The following ARHGEF10 variants were observed in gnomAD, a reference collection of about 807,000 sequenced individuals.
ARHGEF10 encodes the protein Rho guanine nucleotide exchange factor 10, also known as Rho guanine nucleotide exchange factor (GEF) 10.
A neutral mutation model predicts 147.4 loss-of-function variants in ARHGEF10; 140 were observed. That is an observed-to-expected ratio of 0.95 (90% CI 0.83 to 1.09). The LOEUF is 1.09. Among genes scored for constraint, ARHGEF10 ranks in the 50% least tolerant of loss-of-function variants. ARHGEF10 has a pLI of 0.00. For missense variants in ARHGEF10, 2,222 were observed against 1,752.7 expected, an observed-to-expected ratio of 1.27 and a Z score of -4.78; for synonymous variants, 902 against 695.8, an observed-to-expected ratio of 1.30 and a Z score of -4.67.
intron 28 of ARHGEF10, among the ~76,000 whole-genome samples, chr8:1,955,932 T>G (rs1429524365): frequency 6.6e-6 from 1 of 152,240 alleles, no homozygotes. Flanking sequence ...GACTTCACTT[T>G]GCCACTCTCC....
chr8:1,890,569 C>G (rs1236930787), intron 11 of ARHGEF10, among the ~76,000 whole-genome samples: 1 of 142,412 alleles, frequency 7.0e-6, no homozygotes, highest in African/African-American at 2.7e-5. Context: ...TGAGGAGTCA[C>G]TGAGTGTGTA....
In ARHGEF10 at chr8:1,893,092, C is replaced by CAAAAA. The variant is rs34033686; in HGVS notation, c.1183-461_1183-457dup. On this transcript the variant is annotated intron_variant, in intron 11 of 28. Coordinates refer to ENST00000349830, the MANE Select transcript of ARHGEF10 (RefSeq NM_014629.4). ...TCTTTGGATGGTTGAAAGATCTTTGCAAAAAAAAAAAAAAAAAAAAGATTC... is the reference window on the plus strand; with the variant it reads ...TCTTTGGATGGTTGAAAGATCTTTGCAAAAAAAAAAAAAAAAAAAAAAAAAGATTC... Among the ~76,000 whole-genome samples, 45 of 76,738 alleles carry CAAAAA rather than the reference C, an allele frequency of 5.9e-4. 1 individual carries two copies. Among genetic ancestry groups the CAAAAA allele is most frequent in the African/African-American group, 1.1e-3 (25 of 22,974 alleles). The allele number at this position is 76,738 out of a possible 152,430, so 50.3% of individuals were successfully genotyped here.
At chr8:1,935,992 C>T (rs75783858) in intron 26 of ARHGEF10, among the ~76,000 whole-genome samples, 11,186 of 152,174 alleles carry the variant, frequency 0.074, 590 homozygotes, top group African/African-American at 0.14. Flanking sequence ...GACGTGCCAG[C>T]GTGTGTGTGT....
At chr8:1,954,097 T>TC (rs1358234535) in intron 28 of ARHGEF10, among the ~76,000 whole-genome samples, 1 of 152,182 alleles carries the variant, frequency 6.6e-6, no homozygotes, top group African/African-American at 2.4e-5. Flanking sequence ...GCTCCAATTT[T>TC]TTTTTTTTCT....
At chr8:1,925,249 A>C in intron 21 of ARHGEF10, 34 bp from the exon 22 acceptor site, 1 of 1,613,992 alleles carries the variant, frequency 6.2e-7, no homozygotes. Context: ...AGTTAACTGC[A>C]TTCTTGCTCA....
chr8:1,902,605 C>A (rs1418989581), intron 15 of ARHGEF10, among the ~76,000 whole-genome samples: 1 of 152,084 alleles, frequency 6.6e-6, no homozygotes, highest in Non-Finnish European at 1.5e-5. Flanking sequence ...TGCATAGCCC[C>A]CTCCCCCCAC....
At chr8:1,854,267 C>T (rs1448226952) in intron 2 of ARHGEF10, among the ~76,000 whole-genome samples, 1 of 152,066 alleles carries the variant, frequency 6.6e-6, no homozygotes, top group Non-Finnish European at 1.5e-5. Context: ...ATGGAGGCCC[C>T]CTTGGAGGTG....
In ARHGEF10 at chr8:1,922,826, T is replaced by C. The variant is rs17830000; in HGVS notation, c.2144-138T>C. On this transcript the variant is annotated intron_variant, in intron 18 of 28. Transcript: ENST00000349830. ...GGAAAAACCACTAAATGCTTGAAAA[T>C]GTCCACTTTTTAAAAGTTCTAGATT... The C allele has an allele frequency of 0.14, 92,720 of 640,156 alleles. 8,678 individuals carry two copies. The highest frequency in any genetic ancestry group is 0.32 in the East Asian group (11,845 of 36,468). 39.7% of individuals were successfully genotyped at this position (640,156 alleles called of 1,614,324 possible).
intron 1 of ARHGEF10, among the ~76,000 whole-genome samples, chr8:1,825,826 A>C (rs1802738346): frequency 6.6e-6 from 1 of 152,232 alleles, no homozygotes; most frequent in African/African-American, 2.4e-5. Flanking sequence ...CCATAACCTG[A>C]GTACGGACTG....
rs1809821015 is a variant in ARHGEF10 at position 1,894,588 on chromosome 8, C to G, written c.1440+16C>G. The G allele has an allele frequency of 6.2e-7, 1 of 1,613,418 alleles. No homozygotes were observed. The highest frequency in any genetic ancestry group is 1.1e-5 in the South Asian group (1 of 91,060). Reference sequence around the variant, plus strand: ...CGTGGCTTCGGTAATTAAGCTGGGACACCTGGATGTCCATGGGGCTCTCCA... The same window carrying G: ...CGTGGCTTCGGTAATTAAGCTGGGAGACCTGGATGTCCATGGGGCTCTCCA... On this transcript the variant is annotated intron_variant, in intron 13 of 28. Transcript: ENST00000349830.
rs374906068 is a variant in ARHGEF10, at chr8:1,923,061, C to T, written c.2241C>T (p.Asn747=). ...GCCAAATCACTCAGCTGATAGGAAACCTTAAAGGAAACTATCAGGTAACAA... is the reference window on the plus strand; with the variant it reads ...GCCAAATCACTCAGCTGATAGGAAATCTTAAAGGAAACTATCAGGTAACAA... ...VIGQITQLIG[N]LKGNYQNLNQ... is the part of the protein sequence containing the mutation. Residue 747 remains asparagine, a synonymous_variant, in exon 19 of 29, where the codon AAC becomes AAT. Coordinates refer to ENST00000349830, the MANE Select transcript of ARHGEF10 (RefSeq NM_014629.4). The T allele has an allele frequency of 3.8e-5, 61 of 1,610,140 alleles. No homozygotes were observed. In the South Asian group the frequency reaches 6.7e-4, roughly 18 times the overall value.
At chr8:1,946,800 C>T (rs770104683) in intron 27 of ARHGEF10, among the ~76,000 whole-genome samples, 3 of 152,030 alleles carry the variant, frequency 2.0e-5, no homozygotes, top group Non-Finnish European at 2.9e-5. Context: ...ATGAGGAGGC[C>T]GAGGAGGTGT....
chr8:1,907,679 C>T (rs1430593247), intron 17 of ARHGEF10, among the ~76,000 whole-genome samples: 1 of 152,156 alleles, frequency 6.6e-6, no homozygotes, highest in East Asian at 1.9e-4. Context: ...CTCAGCTGTG[C>T]TTACTGCTAG....
In ARHGEF10 at chr8:1,843,364, C is replaced by G; in HGVS notation, c.-36C>G. On this transcript the variant is annotated 5_prime_UTR_variant, in exon 2 of 29. Coordinates refer to ENST00000349830, the MANE Select transcript of ARHGEF10 (RefSeq NM_014629.4). ...TCTCCTTCTTGCAGGAGCTCCTTCC[C>G]TTAACAGAGCTGAGAGAGGCATCTG... 6.2e-7 allele frequency: 1 copy of G among 1,612,484 alleles called. No homozygotes were observed. The highest frequency in any genetic ancestry group is 1.1e-5 in the South Asian group (1 of 91,030).
At chr8:1,893,723 G>A (rs1809737806) in intron 12 of ARHGEF10, 77 bp downstream of exon 12, 1 of 1,177,474 alleles carries the variant, frequency 8.5e-7, no homozygotes, top group African/African-American at 1.5e-5. Context: ...ATCCATAAAT[G>A]CAAAGCATAT....
At chr8:1,901,820 G>A (rs900811218) in intron 15 of ARHGEF10, among the ~76,000 whole-genome samples, 1 of 152,188 alleles carries the variant, frequency 6.6e-6, no homozygotes, top group African/African-American at 2.4e-5. Context: ...GAAAACAAAT[G>A]TATAGAATAG....
chr8:1,956,539 T>C (rs1394139901), intron 28 of ARHGEF10, among the ~76,000 whole-genome samples: 1 of 152,210 alleles, frequency 6.6e-6, no homozygotes, highest in Non-Finnish European at 1.5e-5. Flanking sequence ...GAAAATCATT[T>C]TTAAAGCCTT....
At chr8:1,913,579 C>A (rs112912413) in intron 18 of ARHGEF10, among the ~76,000 whole-genome samples, 6,243 of 152,310 alleles carry the variant, frequency 0.041, 205 homozygotes, top group South Asian at 0.097. Flanking sequence ...TCTGGCTTTG[C>A]TTGTTATTGG....
intron 15 of ARHGEF10, among the ~76,000 whole-genome samples, chr8:1,902,992 C>T (rs191864270): frequency 4.6e-5 from 7 of 152,306 alleles, no homozygotes; most frequent in African/African-American, 7.2e-5. Flanking sequence ...TCGTGAGCAT[C>T]GTTCCAAGTG....
Sources: gnomAD v4.1 joint callset for allele counts (sites outside exome capture counted in the v4.1 genomes callset) on GRCh38, gnomAD v4.1.1 for gene constraint, MANE v1.5 for transcripts, NCBI Gene and HGNC (gene_info 2026-07-23, HGNC 2026-07-21) for gene names.